Variants in FYN observed in about 807,000 individuals in gnomAD.
FYN encodes the protein FYN proto-oncogene, Src family tyrosine kinase.
A neutral mutation model predicts 70.2 loss-of-function variants in FYN; 10 were observed. That is an observed-to-expected ratio of 0.14 (90% confidence interval 0.09 to 0.24). The LOEUF (loss-of-function observed/expected upper bound fraction) is 0.24. Among genes scored for constraint, FYN ranks in the 10% least tolerant of loss-of-function variants. The pLI, the probability that FYN is intolerant of heterozygous loss-of-function variation, is 1.00. For synonymous variants in FYN, 236 were observed against 248.6 expected (o/e 0.95, Z 0.48); for missense variants, 319 against 673.1 (o/e 0.47, Z 5.82).
intron 2 of FYN, among the ~76,000 whole-genome samples, chr6:111,835,317 A>C (rs1773145544): frequency 6.6e-6 from 1 of 152,258 alleles, no homozygotes; most frequent in Non-Finnish European, 1.5e-5. Flanking sequence ...CAAAATAGCA[A>C]ATCTCCATTT....
At chr6:111,787,196 TA>T in intron 2 of FYN, among the ~76,000 whole-genome samples, 1 of 152,226 alleles carries the variant, frequency 6.6e-6, no homozygotes, top group East Asian at 1.9e-4. Context: ...TTTATGGTTT[TA>T]GATCTAACAT....
At chr6:111,737,929 C>A (rs570047124) in intron 3 of FYN, among the ~76,000 whole-genome samples, 1 of 152,262 alleles carries the variant, frequency 6.6e-6, no homozygotes, top group East Asian at 1.9e-4. Context: ...CATAAAAAAA[C>A]AAATAAACAA....
At chr6:111,789,225 C>T (rs189630635) in intron 2 of FYN, among the ~76,000 whole-genome samples, 1 of 152,158 alleles carries the variant, frequency 6.6e-6, no homozygotes, top group Non-Finnish European at 1.5e-5. Flanking sequence ...GAGCAAGGCA[C>T]CAATATAAGC....
At chr6:111,832,122 C>A (rs1217621799) in intron 2 of FYN, among the ~76,000 whole-genome samples, 2 of 152,144 alleles carry the variant, frequency 1.3e-5, no homozygotes, top group African/African-American at 2.4e-5. Context: ...AACAATTATG[C>A]AAGTTGATAT....
intron 2 of FYN, among the ~76,000 whole-genome samples, chr6:111,821,170 T>G (rs969656449): frequency 6.6e-6 from 1 of 151,936 alleles, no homozygotes; most frequent in Non-Finnish European, 1.5e-5. Flanking sequence ...GAGCCCGCAT[T>G]GCCAAGTCAA....
intron 3 of FYN, among the ~76,000 whole-genome samples, chr6:111,721,107 A>T (rs1800914104): frequency 6.6e-6 from 1 of 152,054 alleles, no homozygotes; most frequent in Non-Finnish European, 1.5e-5. Context: ...TTGATATGTG[A>T]CGTATCCATG....
At chr6:111,775,715 TAA>T (rs954855896) in intron 3 of FYN, among the ~76,000 whole-genome samples, 1 of 152,144 alleles carries the variant, frequency 6.6e-6, no homozygotes, top group Admixed American at 6.5e-5. Context: ...CTGTTAAGAA[TAA>T]AGTCACACAC....
chr6:111,725,397 T>C (rs933285724), intron 3 of FYN, among the ~76,000 whole-genome samples: 2 of 152,200 alleles, frequency 1.3e-5, no homozygotes, highest in African/African-American at 4.8e-5. Context: ...TTCTCCTCTG[T>C]AGCATACTGC....
intron 9 of FYN, among the ~76,000 whole-genome samples, chr6:111,698,213 A>G (rs1799662739): frequency 6.6e-6 from 1 of 151,966 alleles, no homozygotes. Flanking sequence ...CGCTCACCGC[A>G]ACCTCCACCT....
chr6:111,760,309 CCT>C (rs757035537), intron 3 of FYN, among the ~76,000 whole-genome samples: 2 of 152,086 alleles, frequency 1.3e-5, no homozygotes, highest in Non-Finnish European at 2.9e-5. Context: ...AGGAGGAAAT[CCT>C]CTAATTGCCT....
At chr6:111,847,688 C>T (rs1170196770) in intron 1 of FYN, among the ~76,000 whole-genome samples, 1 of 152,084 alleles carries the variant, frequency 6.6e-6, no homozygotes, top group African/African-American at 2.4e-5. Context: ...AGAATTTTTG[C>T]ACTGTTTGGA....
rs1490844474 is a variant in FYN at position 111,835,437 on chromosome 6, C to A, written c.-82+11152G>T. Among the ~76,000 whole-genome samples, 3 of 152,206 alleles carry A rather than the reference C, an allele frequency of 2.0e-5. No individual in the cohort carries two copies. In the East Asian group the frequency reaches 5.8e-4, roughly 29 times the overall value. ...ATCCTAAGGAAATTGAACACTCGAA[C>A]AAAGAATTCTTAGCAAAGCAATTTT... On this transcript the variant is annotated intron_variant, in intron 2 of 13. Transcript: ENST00000354650.
chr6:111,730,076 G>A (rs1801379266), intron 3 of FYN, among the ~76,000 whole-genome samples: 1 of 152,178 alleles, frequency 6.6e-6, no homozygotes, highest in Non-Finnish European at 1.5e-5. Context: ...AGCCTGTTGA[G>A]AGGCAACTCC....
rs527268779 is a variant in FYN at position 111,863,923 on chromosome 6, C to T, written c.-123+9045G>A. ...AGTTGGGACTCCCTATGTTTGCTTC[C>T]TTCCTTGTCTTCCAGAGCTGCCTGC... On this transcript the variant is annotated intron_variant, in intron 1 of 13. Coordinates refer to ENST00000354650, the MANE Select transcript of FYN (RefSeq NM_002037.5). 3.3e-5 allele frequency among the ~76,000 whole-genome samples: 5 copies of T among 152,266 alleles called. No individual in the cohort carries two copies. The East Asian group carries it at 9.6e-4, about 29-fold the overall frequency.
chr6:111,822,534 A>AT (rs565466270), intron 2 of FYN, among the ~76,000 whole-genome samples: 26 of 152,180 alleles, frequency 1.7e-4, no homozygotes, highest in African/African-American at 6.3e-4. Context: ...AATGTAAATG[A>AT]TGAGTTAATG....
At chr6:111,749,585 G>T (rs1286010444) in intron 3 of FYN, among the ~76,000 whole-genome samples, 1 of 152,150 alleles carries the variant, frequency 6.6e-6, no homozygotes, top group Non-Finnish European at 1.5e-5. Flanking sequence ...TTTTAGTTCA[G>T]GTTCTACCCT....
intron 2 of FYN, among the ~76,000 whole-genome samples, chr6:111,845,781 C>T (rs369028256): frequency 9.2e-5 from 14 of 152,158 alleles, no homozygotes; most frequent in Admixed American, 2.6e-4. Context: ...CCGAAAAGGA[C>T]GCCTGGGTGG....
At chr6:111,721,208 T>A (rs994356788) in intron 3 of FYN, among the ~76,000 whole-genome samples, 2 of 152,180 alleles carry the variant, frequency 1.3e-5, no homozygotes, top group African/African-American at 2.4e-5. Flanking sequence ...AGTGCTCCCA[T>A]GGCATCCTCA....
At chr6:111,859,440 T>C (rs1459430236) in intron 1 of FYN, among the ~76,000 whole-genome samples, 1 of 152,208 alleles carries the variant, frequency 6.6e-6, no homozygotes, top group Non-Finnish European at 1.5e-5. Context: ...TACAGTTTAG[T>C]GGCTGGCTGA....
Sources: allele counts gnomAD v4.1 joint callset (sites outside exome capture counted in the v4.1 genomes callset), GRCh38; gene constraint gnomAD v4.1.1; transcripts MANE v1.5; gene names NCBI Gene and HGNC (gene_info 2026-07-23, HGNC 2026-07-21).